The following FTO variants were observed in gnomAD, a reference collection of about 807,000 sequenced individuals.
The protein encoded by FTO is alpha-ketoglutarate-dependent dioxygenase FTO.
Under a neutral mutation model 63.9 loss-of-function variants are expected in FTO, and 47 were observed. That is an observed-to-expected ratio of 0.74 (90% CI 0.58 to 0.94). The LOEUF (loss-of-function observed/expected upper bound fraction) is 0.94, where lower values mean the gene tolerates loss of function less well. FTO is among the 40% of genes least tolerant of loss of function. The probability of loss-of-function intolerance (pLI) is 0.00; values close to 1 mark genes in which losing one functional copy is unlikely to be tolerated. For synonymous variants in FTO, 207 were observed against 224.4 expected, an observed-to-expected ratio of 0.92 and a Z score of 0.69; for missense variants, 562 against 618.1, an observed-to-expected ratio of 0.91 and a Z score of 0.96.
chr16:54,070,187 A>G (rs1256337753), intron 8 of FTO: 2 of 152,024 alleles, frequency 1.3e-5, no homozygotes, highest in African/African-American at 4.8e-5. Context: ...ATTAGCCTAA[A>G]CACAGTCTGC....
At chr16:53,739,037 A>G (rs1054074679) in intron 1 of FTO, among the ~76,000 whole-genome samples, 1 of 151,944 alleles carries the variant, frequency 6.6e-6, no homozygotes. Context: ...ATGTTGCCCA[A>G]ACTGGTCTCA....
Position 54,077,434 on chromosome 16 carries a change from T to C in FTO, c.1365-34328T>C, listed in dbSNP as rs185565270. On this transcript the variant is annotated intron_variant, in intron 8 of 8. Coordinates refer to ENST00000471389, the MANE Select transcript of FTO (RefSeq NM_001080432.3). ...ATTGGTGAGGCTTGGCTGTCGTTTG[T>C]AACACATCCGTGCCCCTGGAGCAGC... Among the ~76,000 whole-genome samples the C allele has an allele frequency of 3.9e-4, 59 of 152,280 alleles. 1 individual carries two copies. Among genetic ancestry groups the C allele is most frequent in the African/African-American group, 1.4e-3 (57 of 41,562 alleles).
chr16:53,951,713 C>G (rs1463081442), intron 8 of FTO, among the ~76,000 whole-genome samples: 1 of 151,996 alleles, frequency 6.6e-6, no homozygotes, highest in African/African-American at 2.4e-5. Flanking sequence ...TTCCTCCTGT[C>G]TAACTGAATA....
At chr16:53,928,041 A>AAT (rs1374012665) in intron 7 of FTO, among the ~76,000 whole-genome samples, 8 of 152,190 alleles carry the variant, frequency 5.3e-5, no homozygotes, top group Non-Finnish European at 1.2e-4. Context: ...CCAGGCAACT[A>AAT]ATACAAGAAT....
At chr16:53,846,638 A>C (rs1046851544) in intron 4 of FTO, among the ~76,000 whole-genome samples, 3 of 151,918 alleles carry the variant, frequency 2.0e-5, no homozygotes, top group Non-Finnish European at 4.4e-5. Flanking sequence ...CCCCGTCTCC[A>C]CTAAAAATAA....
rs574100781 is a variant in FTO at position 53,716,367 on chromosome 16, T to G, written c.45+12138T>G. Among the ~76,000 whole-genome samples the G allele has an allele frequency of 3.3e-5, 5 of 152,280 alleles. No homozygotes were observed. The South Asian group carries it at 1.0e-3, about 32-fold the overall frequency. On this transcript the variant is annotated intron_variant, in intron 1 of 8. Transcript: ENST00000471389. The stretch of plus-strand genomic sequence containing the variant: ...GTTCTGGCATTTATGTATAAATCAG[T>G]CTTATTGCTTTAGAGTATAGTTTAT...
At chr16:54,062,840 G>A (rs2085616969) in intron 8 of FTO, among the ~76,000 whole-genome samples, 1 of 152,226 alleles carries the variant, frequency 6.6e-6, no homozygotes, top group Non-Finnish European at 1.5e-5. Context: ...ATCAGGCTGA[G>A]TGCCACCACT....
chr16:54,033,008 A>C (rs1394166343), intron 8 of FTO, among the ~76,000 whole-genome samples: 1 of 152,196 alleles, frequency 6.6e-6, no homozygotes, highest in Non-Finnish European at 1.5e-5. Flanking sequence ...CCAGAAGCCA[A>C]GCATATTCCA....
At chr16:53,857,582 G>T (rs763295832) in intron 4 of FTO, among the ~76,000 whole-genome samples, 3 of 152,026 alleles carry the variant, frequency 2.0e-5, no homozygotes, top group Non-Finnish European at 4.4e-5. Context: ...GTCTTTGGAG[G>T]CCACCCTATC....
intron 1 of FTO, among the ~76,000 whole-genome samples, chr16:53,777,888 G>A (rs1408385657): frequency 6.6e-6 from 1 of 152,150 alleles, no homozygotes; most frequent in Non-Finnish European, 1.5e-5. Context: ...ATGTCAGTCA[G>A]CTATTTTTTC....
rs2086985189 is a variant in FTO, at chr16:54,118,254, G to A, written c.*6339G>A. ...CCAAAAGGGTCAAGACCGTTCTACA[G>A]GAAGTTTAGGAGAAGTTCAATGGTT... On this transcript the variant is annotated 3_prime_UTR_variant, in exon 9 of 9. Coordinates refer to ENST00000471389, the MANE Select transcript of FTO (RefSeq NM_001080432.3). The A allele has an allele frequency of 2.0e-5, 3 of 152,200 alleles. No individual in the cohort carries two copies. The highest frequency in any genetic ancestry group is 4.4e-5 in the Non-Finnish European group (3 of 68,034). The allele number at this position is 152,200 out of a possible 1,614,324, so 9.4% of individuals were successfully genotyped here.
At chr16:54,011,486 C>A (rs2084332886) in intron 8 of FTO, among the ~76,000 whole-genome samples, 1 of 152,118 alleles carries the variant, frequency 6.6e-6, no homozygotes, top group African/African-American at 2.4e-5. Context: ...TCCATCATTT[C>A]TTTTCCCAAA....
At chr16:54,014,858 T>C (rs998466886) in intron 8 of FTO, among the ~76,000 whole-genome samples, 119 of 142,742 alleles carry the variant, frequency 8.3e-4, no homozygotes, top group Middle Eastern at 3.5e-3. Context: ...CTCTTTTTTT[T>C]TTTTTTTTTT....
chr16:54,093,571 G>A (rs1016949342), intron 8 of FTO, among the ~76,000 whole-genome samples: 8 of 152,130 alleles, frequency 5.3e-5, no homozygotes, highest in African/African-American at 1.2e-4. Context: ...GTGAGGAGCC[G>A]AACTTCTCCA....
At chr16:53,932,364 G>T (rs1263146313) in intron 7 of FTO, among the ~76,000 whole-genome samples, 2 of 151,310 alleles carry the variant, frequency 1.3e-5, no homozygotes, top group East Asian at 1.9e-4. Context: ...TAACATTTTT[G>T]ATAGCAACAG....
Position 53,889,675 on chromosome 16 carries a change from G to A in FTO, c.1239+724G>A, listed in dbSNP as rs2081098247. Among the ~76,000 whole-genome samples the A allele has an allele frequency of 2.0e-5, 3 of 152,034 alleles. No individual in the cohort carries two copies. In the South Asian group the frequency reaches 6.2e-4, roughly 32 times the overall value. On this transcript the variant is annotated intron_variant, in intron 7 of 8. Coordinates refer to ENST00000471389, the MANE Select transcript of FTO (RefSeq NM_001080432.3). ...TGCTGAGGAGTATGATGGGATGGGGGATCTGGGGAAGAACATTAGAATCCA... is the reference window on the plus strand; with the variant it reads ...TGCTGAGGAGTATGATGGGATGGGGAATCTGGGGAAGAACATTAGAATCCA...
chr16:53,955,987 A>T (rs1295189159), intron 8 of FTO, among the ~76,000 whole-genome samples: 2 of 152,102 alleles, frequency 1.3e-5, no homozygotes, highest in African/African-American at 4.8e-5. Flanking sequence ...CTACAAAAAA[A>T]TTTTTAAATA....
chr16:54,107,118 A>G (rs1396267484), intron 8 of FTO, among the ~76,000 whole-genome samples: 1 of 149,702 alleles, frequency 6.7e-6, no homozygotes, highest in African/African-American at 2.4e-5. Flanking sequence ...GTATACATAT[A>G]AAGCATATGT....
chr16:53,939,831 C>T lies in FTO; in HGVS notation c.1364+5722C>T, dbSNP rs77878856. ...ACTGCTGAATAATATTCCACTATAT[C>T]GATGTGCCACATTTTATTTATCCAG... On this transcript the variant is annotated intron_variant, in intron 8 of 8. Transcript: ENST00000471389. Among the ~76,000 whole-genome samples, 1,064 of 152,142 alleles carry T rather than the reference C, an allele frequency of 7.0e-3. 5 individuals carry two copies. Among genetic ancestry groups the T allele is most frequent in the Non-Finnish European group, 0.012 (795 of 68,004 alleles).
Sources: gnomAD v4.1 joint callset for allele counts (sites outside exome capture counted in the v4.1 genomes callset) on GRCh38, gnomAD v4.1.1 for gene constraint, MANE v1.5 for transcripts, NCBI Gene and HGNC (gene_info 2026-07-23, HGNC 2026-07-21) for gene names.